The following GNG4 variants were observed in gnomAD, a reference collection of about 807,000 sequenced individuals.
The protein encoded by GNG4 is G protein subunit gamma 4.
In GNG4, 4 loss-of-function variants were observed where a neutral mutation model predicts 5.8. The observed-to-expected ratio is 0.69, with a 90% CI of 0.34 to 1.57. The LOEUF is 1.57. GNG4 is among the 40% of genes most tolerant of loss of function. The pLI, the probability that GNG4 is intolerant of heterozygous loss-of-function variation, is 0.06. For missense variants in GNG4, 96 were observed against 95.1 expected, an observed-to-expected ratio of 1.01 and a Z score of -0.04; for synonymous variants, 29 against 32.9, an observed-to-expected ratio of 0.88 and a Z score of 0.41.
intron 2 of GNG4, among the ~76,000 whole-genome samples, chr1:235,585,391 C>T (rs1489040123): frequency 1.3e-5 from 2 of 152,180 alleles, no homozygotes; most frequent in East Asian, 1.9e-4. Context: ...AGGTGTGTGC[C>T]GCCATGCCTG....
At chr1:235,604,568 T>C (rs554251869) in intron 1 of GNG4, among the ~76,000 whole-genome samples, 2 of 152,334 alleles carry the variant, frequency 1.3e-5, no homozygotes, top group East Asian at 3.9e-4. Context: ...CAATCCTTGA[T>C]TTGTAGACAT....
At chr1:235,603,883 G>A (rs1384717812) in intron 1 of GNG4, among the ~76,000 whole-genome samples, 1 of 152,166 alleles carries the variant, frequency 6.6e-6, no homozygotes, top group African/African-American at 2.4e-5. Context: ...TGGCAGACCA[G>A]CGGTTATACT....
Position 235,599,304 on chromosome 1 carries a change from G to T in GNG4, c.-122-3793C>A, listed in dbSNP as rs547694429. ...ATCTGCGGGTTTTTTTGTTGTCGTTGTTTGTTTTTTGGTTTGTTTTTTTTT... is the reference window on the plus strand; with the variant it reads ...ATCTGCGGGTTTTTTTGTTGTCGTTTTTTGTTTTTTGGTTTGTTTTTTTTT... On this transcript the variant is annotated intron_variant, in intron 1 of 3. Coordinates refer to ENST00000391854, the MANE Select transcript of GNG4 (RefSeq NM_001098722.2). Among the ~76,000 whole-genome samples, 11 of 144,768 alleles carry T rather than the reference G, an allele frequency of 7.6e-5. No homozygotes were observed. In the East Asian group the frequency reaches 2.2e-3, roughly 29 times the overall value. 95.0% of individuals were successfully genotyped at this position (144,768 alleles called of 152,430 possible).
At position 235,609,817 on chromosome 1, in the gene GNG4, G is replaced by A. The variant is rs375713437; in HGVS notation, c.-122-14306C>T. ...AGCTACTCGGGAGGCTGAGGCTACA[G>A]TGAGCTGAGATCACGTCATTGCACA... On this transcript the variant is annotated intron_variant, in intron 1 of 3. Coordinates refer to ENST00000391854, the MANE Select transcript of GNG4 (RefSeq NM_001098722.2). 1.6e-4 allele frequency among the ~76,000 whole-genome samples: 24 copies of A among 152,176 alleles called. No individual in the cohort carries two copies. The South Asian group carries it at 5.0e-3, about 32-fold the overall frequency.
At chr1:235,570,688 C>T (rs955424319) in intron 3 of GNG4, among the ~76,000 whole-genome samples, 2 of 151,528 alleles carry the variant, frequency 1.3e-5, no homozygotes, top group African/African-American at 2.4e-5. Flanking sequence ...GCATGAGCAC[C>T]GCACCCAGTC....
chr1:235,623,179 G>T (rs940238714), intron 1 of GNG4, among the ~76,000 whole-genome samples: 1 of 152,110 alleles, frequency 6.6e-6, no homozygotes, highest in African/African-American at 2.4e-5. Flanking sequence ...TGGAGATTTA[G>T]CCTGCATGCA....
rs919505544 is a variant in GNG4 at position 235,548,438 on chromosome 1, G to C, written c.*3671C>G. The C allele has an allele frequency of 2.0e-5, 3 of 152,422 alleles. No individual in the cohort carries two copies. The highest frequency in any genetic ancestry group is 7.2e-5 in the African/African-American group (3 of 41,418). The allele number at this position is 152,422 out of a possible 1,614,324, so 9.4% of individuals were successfully genotyped here. ...AGTGGACACACCATCCCTGCAGCCT[G>C]CCAGCCCTACCCACCTGCCTTGCTG... On this transcript the variant is annotated 3_prime_UTR_variant, in exon 4 of 4. Coordinates refer to ENST00000391854, the MANE Select transcript of GNG4 (RefSeq NM_001098722.2).
chr1:235,645,832 A>G (rs999253136), intron 1 of GNG4, among the ~76,000 whole-genome samples: 1 of 151,040 alleles, frequency 6.6e-6, no homozygotes, highest in South Asian at 2.1e-4. Flanking sequence ...AGAATGTTTA[A>G]AAAGAGTTAA....
At chr1:235,558,333 T>A (rs1338069567) in intron 3 of GNG4, among the ~76,000 whole-genome samples, 1 of 152,232 alleles carries the variant, frequency 6.6e-6, no homozygotes, top group Admixed American at 6.5e-5. Context: ...GTTTTCCACC[T>A]TCATCACCCC....
intron 3 of GNG4, among the ~76,000 whole-genome samples, chr1:235,578,855 T>C (rs1368211210): frequency 6.6e-6 from 1 of 152,074 alleles, no homozygotes; most frequent in Non-Finnish European, 1.5e-5. Context: ...CCCAGCACTT[T>C]GGGAGGCCAA....
chr1:235,558,956 TC>T (rs1248881363), intron 3 of GNG4, among the ~76,000 whole-genome samples: 5 of 152,308 alleles, frequency 3.3e-5, no homozygotes, highest in Non-Finnish European at 5.9e-5. Flanking sequence ...TAGCACGTAA[TC>T]CTGTTAGTTG....
intron 2 of GNG4, among the ~76,000 whole-genome samples, chr1:235,591,460 GC>G (rs1284742177): frequency 6.6e-6 from 1 of 152,206 alleles, no homozygotes; most frequent in Non-Finnish European, 1.5e-5. Flanking sequence ...TGAAGATAGA[GC>G]CCTATAAGAA....
intron 3 of GNG4, among the ~76,000 whole-genome samples, chr1:235,557,892 T>A (rs866823772): frequency 6.6e-6 from 1 of 152,194 alleles, no homozygotes; most frequent in African/African-American, 2.4e-5. Flanking sequence ...CTAACAATTA[T>A]GCTATTAATG....
rs67085467 is a variant in GNG4, at chr1:235,587,833, C to A, written c.-10-3985G>T. On this transcript the variant is annotated intron_variant, in intron 2 of 3. Coordinates refer to ENST00000391854, the MANE Select transcript of GNG4 (RefSeq NM_001098722.2). ...GAATACAGGCACGTCTCAGAGCATG[C>A]GGGGTGAACGTGTGTGTAAGTGTAT... Among the ~76,000 whole-genome samples the A allele has an allele frequency of 4.4e-5, 6 of 136,698 alleles. No individual in the cohort carries two copies. The South Asian group carries it at 7.1e-4, about 16-fold the overall frequency. The allele number at this position is 136,698 out of a possible 152,430, so 89.7% of individuals were successfully genotyped here. A position where few individuals can be genotyped will look rare whatever the true frequency, so the allele number is the denominator to read the frequency against.
Position 235,610,167 on chromosome 1 carries a change from C to G in GNG4, c.-122-14656G>C, listed in dbSNP as rs148775448. The stretch of plus-strand genomic sequence containing the variant: ...TCAGCCCTTCCTTGACTTTGACGAC[C>G]CACAGCACTTTCCAAGATAGCGGCC... On this transcript the variant is annotated intron_variant, in intron 1 of 3. Coordinates refer to ENST00000391854, the MANE Select transcript of GNG4 (RefSeq NM_001098722.2). 2.4e-3 allele frequency among the ~76,000 whole-genome samples: 363 copies of G among 152,312 alleles called. 1 individual carries two copies. The highest frequency in any genetic ancestry group is 8.5e-3 in the African/African-American group (352 of 41,570).
rs1262551560 is a variant in GNG4, at chr1:235,583,763, C to T, written c.76G>A (p.Glu26Lys). Residue 26 changes from glutamate (E) to lysine (K), a missense_variant, in exon 3 of 4, where the codon GAA (glutamate) becomes AAA (lysine). Transcript: ENST00000391854. ...ACCTTGACCCTGTCCATACAGGCTT[C>T]CATCTTTAGCTGCTCCACAGCTTTC... The part of the protein sequence containing the change: ...ARKAVEQLKM[E>K]ACMDRVKVSQ... 6.2e-7 allele frequency: 1 copy of T among 1,612,992 alleles called. No individual in the cohort carries two copies. Among genetic ancestry groups the T allele is most frequent in the Non-Finnish European group, 8.5e-7 (1 of 1,178,982 alleles).
rs1657573954 is a variant in GNG4 at position 235,648,659 on chromosome 1, C to T, written c.-123+1003G>A. Among the ~76,000 whole-genome samples, 1 of 152,196 alleles carries T rather than the reference C, an allele frequency of 6.6e-6. No individual in the cohort carries two copies. The highest frequency in any genetic ancestry group is 2.4e-5 in the African/African-American group (1 of 41,444). On this transcript the variant is annotated intron_variant, in intron 1 of 3. Transcript: ENST00000391854. The surrounding 1 kb of genome is among the most constrained non-coding windows in gnomAD (Gnocchi z 5.0). ...GCGGCACACCTCACTCATGAGCAGA[C>T]GACAGGACTGGCACGTTTTAATGGA...
intron 3 of GNG4, among the ~76,000 whole-genome samples, chr1:235,573,295 T>A (rs879320944): frequency 9.4e-5 from 11 of 117,390 alleles, no homozygotes; most frequent in African/African-American, 2.0e-4. Flanking sequence ...GGGCACAGGA[T>A]AGGGAACATC....
At chr1:235,593,614 G>A (rs537847719) in intron 2 of GNG4, among the ~76,000 whole-genome samples, 278 of 152,312 alleles carry the variant, frequency 1.8e-3, no homozygotes, top group African/African-American at 6.2e-3. Flanking sequence ...TCTTAAAGGC[G>A]GCGTGTCCGG....
Sources: allele counts gnomAD v4.1 joint callset (sites outside exome capture counted in the v4.1 genomes callset), GRCh38; gene constraint gnomAD v4.1.1; non-coding constraint Gnocchi (gnomAD v3.1); transcripts MANE v1.5; gene names NCBI Gene and HGNC (gene_info 2026-07-23, HGNC 2026-07-21).